Variants in MLANA observed in about 807,000 individuals in gnomAD.
MLANA encodes the protein melanoma antigen recognized by T-cells 1.
A neutral mutation model predicts 15.7 loss-of-function variants in MLANA; 21 were observed. That is an observed-to-expected ratio of 1.33 (90% CI 0.95 to 1.92). The LOEUF (loss-of-function observed/expected upper bound fraction) is 1.92, where lower values mean the gene tolerates loss of function less well. Ranked by LOEUF, MLANA falls within the 40% of genes most tolerant of loss-of-function variation. The probability of loss-of-function intolerance (pLI) is 0.00; values close to 1 mark genes in which losing one functional copy is unlikely to be tolerated. For missense variants in MLANA, 164 were observed against 143.8 expected, an observed-to-expected ratio of 1.14 and a Z score of -0.72; for synonymous variants, 56 against 51.5, an observed-to-expected ratio of 1.09 and a Z score of -0.37.
At chr9:5,892,337 G>A (rs147316753) in intron 1 of MLANA, 113 bp from the exon 2 acceptor site, 28 of 611,412 alleles carry the variant, frequency 4.6e-5, no homozygotes, top group Non-Finnish European at 6.6e-5. Flanking sequence ...AAACCAAAGG[G>A]TCCTGGCTAT....
At chr9:5,905,379 A>G (rs1388619132) in intron 3 of MLANA, among the ~76,000 whole-genome samples, 2 of 152,212 alleles carry the variant, frequency 1.3e-5, no homozygotes, top group Non-Finnish European at 2.9e-5. Flanking sequence ...TTTAGGTACA[A>G]CTGACCAGCA....
intron 3 of MLANA, among the ~76,000 whole-genome samples, chr9:5,905,744 C>A (rs559338906): frequency 2.6e-5 from 4 of 152,334 alleles, no homozygotes; most frequent in South Asian, 2.1e-4. Context: ...CCAATGTATA[C>A]CTTCCGTGTA....
intron 3 of MLANA, among the ~76,000 whole-genome samples, chr9:5,905,050 G>A (rs576245818): frequency 8.5e-4 from 129 of 152,280 alleles, no homozygotes; most frequent in Non-Finnish European, 1.6e-3. Context: ...TGCGATTACA[G>A]GTGTGAGCCA....
Position 5,908,771 on chromosome 9 carries a change from T to C in MLANA, c.*63T>C, listed in dbSNP as rs1027031712. 4 of 1,439,044 alleles carry C rather than the reference T, an allele frequency of 2.8e-6. No individual in the cohort carries two copies. Among genetic ancestry groups the C allele is most frequent in the South Asian group, 2.3e-5 (2 of 87,120 alleles). The allele number at this position is 1,439,044 out of a possible 1,614,324, so 89.1% of individuals were successfully genotyped here. ...CTCTCACACTTTTGCTTGAATTTAA[T>C]ACAGACATCTAATGTTCTCCTTTGG... On this transcript the variant is annotated 3_prime_UTR_variant, in exon 5 of 5. Transcript: ENST00000381477.
At chr9:5,895,129 T>C (rs1009817664) in intron 2 of MLANA, among the ~76,000 whole-genome samples, 2 of 152,220 alleles carry the variant, frequency 1.3e-5, no homozygotes, top group African/African-American at 2.4e-5. Flanking sequence ...TTTTGACATT[T>C]TGCTGTCTGT....
At chr9:5,906,769 G>A (rs1236207637) in intron 3 of MLANA, 116 bp from the exon 4 acceptor site, 3 of 619,244 alleles carry the variant, frequency 4.8e-6, no homozygotes, top group Non-Finnish European at 5.6e-6. Context: ...CACACAGCAA[G>A]TAAGTGGCAG....
intron 4 of MLANA, among the ~76,000 whole-genome samples, 186 bp from the exon 5 acceptor site, chr9:5,908,454 C>G (rs778779795): frequency 6.6e-6 from 1 of 152,104 alleles, no homozygotes; most frequent in African/African-American, 2.4e-5. Flanking sequence ...TACTCTTGCC[C>G]CCAACAATCA....
intron 4 of MLANA, among the ~76,000 whole-genome samples, chr9:5,908,183 C>A (rs1832937843): frequency 6.6e-6 from 1 of 152,178 alleles, no homozygotes; most frequent in Non-Finnish European, 1.5e-5. Context: ...AATAAAAACA[C>A]TCCCAGAATT....
At chr9:5,891,131 C>T (rs1831633564) in intron 1 of MLANA, 195 bp downstream of exon 1, 1 of 152,190 alleles carries the variant, frequency 6.6e-6, no homozygotes, top group Admixed American at 6.5e-5. Flanking sequence ...TCTCAGTCCT[C>T]CAACACTACC....
In MLANA at chr9:5,894,242, C is replaced by T. The variant is rs1831858348; in HGVS notation, c.77+1691C>T. On this transcript the variant is annotated intron_variant, in intron 2 of 4. Coordinates refer to ENST00000381477, the MANE Select transcript of MLANA (RefSeq NM_005511.2). The surrounding 1 kb of genome is among the most constrained non-coding windows in gnomAD (Gnocchi z 4.0). Reference sequence around the variant, plus strand: ...CATGCCCAGCTGGGGAACCTCATAGCCAGGTGTACCCACAACCTGAACAAG... The same window carrying T: ...CATGCCCAGCTGGGGAACCTCATAGTCAGGTGTACCCACAACCTGAACAAG... Among the ~76,000 whole-genome samples the T allele has an allele frequency of 6.6e-6, 1 of 152,084 alleles. No individual in the cohort carries two copies. The highest frequency in any genetic ancestry group is 1.5e-5 in the Non-Finnish European group (1 of 68,026).
chr9:5,907,124 C>A, intron 4 of MLANA, 126 bp downstream of exon 4: 1 of 504,222 alleles, frequency 2.0e-6, no homozygotes, highest in Non-Finnish European at 3.3e-6. Context: ...ACTATATACA[C>A]CTAAAAATGG....
intron 4 of MLANA, among the ~76,000 whole-genome samples, chr9:5,907,394 G>A (rs1158054612): frequency 6.6e-6 from 1 of 152,150 alleles, no homozygotes; most frequent in East Asian, 1.9e-4. Flanking sequence ...ATTATTTATT[G>A]TATAGAGCTG....
chr9:5,908,762 T>G lies in MLANA; in HGVS notation c.*54T>G. 1 of 1,502,752 alleles carries G rather than the reference T, an allele frequency of 6.7e-7. No individual in the cohort carries two copies. The highest frequency in any genetic ancestry group is 9.3e-7 in the Non-Finnish European group (1 of 1,079,108). The allele number at this position is 1,502,752 out of a possible 1,614,324, so 93.1% of individuals were successfully genotyped here. On this transcript the variant is annotated 3_prime_UTR_variant, in exon 5 of 5. Transcript: ENST00000381477. ...AAATTATTTCTCTCACACTTTTGCT[T>G]GAATTTAATACAGACATCTAATGTT...
Position 5,910,496 on chromosome 9 carries a change from C to G in MLANA, c.*1788C>G, listed in dbSNP as rs1275385460. 3 of 152,216 alleles carry G rather than the reference C, an allele frequency of 2.0e-5. No individual in the cohort carries two copies. The highest frequency in any genetic ancestry group is 4.8e-5 in the African/African-American group (2 of 41,440). 9.4% of individuals were successfully genotyped at this position (152,216 alleles called of 1,614,324 possible). A position where few individuals can be genotyped will look rare whatever the true frequency, so the allele number is the denominator to read the frequency against. ...GAATTCTAAACCAAAGAAACTTCAT[C>G]AGGCATTTGGGTACCTCCTCCCCTC... is the stretch of plus-strand genomic sequence containing the variant. On this transcript the variant is annotated 3_prime_UTR_variant, in exon 5 of 5. Transcript: ENST00000381477.
rs1420307066 is a variant in MLANA at position 5,906,945 on chromosome 9, T to A, written c.235T>A (p.Phe79Ile). 4 of 1,598,532 alleles carry A rather than the reference T, an allele frequency of 2.5e-6. No individual in the cohort carries two copies. Among genetic ancestry groups the A allele is most frequent in the Non-Finnish European group, 3.4e-6 (4 of 1,173,894 alleles). The change falls in exon 4 of 5, where the codon TTT becomes ATT. Residue 79 changes from phenylalanine to isoleucine, a missense_variant. Phe to Ile is a conservative substitution (Grantham distance 21). Coordinates refer to ENST00000381477, the MANE Select transcript of MLANA (RefSeq NM_005511.2). ...AACAAGAAGATGCCCACAAGAAGGG[T>A]TTGATCATCGGGACAGCAAAGTGTC... is the stretch of plus-strand genomic sequence containing the variant. ...ALTRRCPQEG[F>I]DHRDSKVSLQ...
At position 5,894,177 on chromosome 9, in the gene MLANA, T is replaced by G. The variant is rs538566020; in HGVS notation, c.77+1626T>G. On this transcript the variant is annotated intron_variant, in intron 2 of 4. Transcript: ENST00000381477. This position sits in a 1 kb window ranked among gnomAD's most constrained non-coding sequence, Gnocchi z 4.0. The stretch of plus-strand genomic sequence containing the variant: ...TGGAGGCTGATGCTAGTCAGCTCAG[T>G]AGGCCGAAAGTGGAGTTGTCCTTTG... Among the ~76,000 whole-genome samples, 2 of 152,202 alleles carry G rather than the reference T, an allele frequency of 1.3e-5. No individual in the cohort carries two copies. Among genetic ancestry groups the G allele is most frequent in the African/African-American group, 4.8e-5 (2 of 41,536 alleles).
chr9:5,901,176 T>G (rs1270884616), intron 3 of MLANA, among the ~76,000 whole-genome samples: 1 of 152,144 alleles, frequency 6.6e-6, no homozygotes, highest in East Asian at 1.9e-4. Context: ...CAAGGGCAGT[T>G]TTATTTTTTT....
chr9:5,906,284 C>T (rs1446400870), intron 3 of MLANA, among the ~76,000 whole-genome samples: 1 of 148,424 alleles, frequency 6.7e-6, no homozygotes, highest in East Asian at 2.0e-4. Flanking sequence ...GAGCCGAGAT[C>T]GTGCCATTAT....
chr9:5,900,772 A>C (rs2129946974), intron 3 of MLANA, among the ~76,000 whole-genome samples: 1 of 152,354 alleles, frequency 6.6e-6, no homozygotes, highest in South Asian at 2.1e-4. Context: ...TAGCAACAGG[A>C]AGTGGGAAAT....
Sources: allele counts gnomAD v4.1 joint callset (sites outside exome capture counted in the v4.1 genomes callset), GRCh38; gene constraint gnomAD v4.1.1; non-coding constraint Gnocchi (gnomAD v3.1); transcripts MANE v1.5; gene names NCBI Gene and HGNC (gene_info 2026-07-23, HGNC 2026-07-21).